LRRTM4: variants seen among roughly 807,000 people sequenced by gnomAD.
LRRTM4 encodes the protein leucine rich repeat transmembrane neuronal 4.
LRRTM4 carries 25 observed loss-of-function variants against 47.6 expected under a neutral mutation model. The observed-to-expected ratio is 0.53, with a 90% CI of 0.38 to 0.73. The LOEUF is 0.73. LRRTM4 is among the 30% of genes least tolerant of loss of function. The pLI is 0.00. For missense variants in LRRTM4, 638 were observed against 713.4 expected (o/e 0.89, Z 1.20); for synonymous variants, 311 against 269.5 (o/e 1.15, Z -1.51).
At chr2:76,824,970 C>CT (rs1671152394) in intron 3 of LRRTM4, among the ~76,000 whole-genome samples, 1 of 151,554 alleles carries the variant, frequency 6.6e-6, no homozygotes, top group Non-Finnish European at 1.5e-5. Context: ...AATTGGGGTA[C>CT]TGCTTATTTA....
chr2:77,292,860 AAAAATAAAAT>A (rs1215153301), intron 3 of LRRTM4, among the ~76,000 whole-genome samples: 13 of 149,908 alleles, frequency 8.7e-5, no homozygotes, highest in South Asian at 8.3e-4. Flanking sequence ...TAATAAAATT[AAAAATAAAAT>A]AAAATAAAAA....
intron 3 of LRRTM4, among the ~76,000 whole-genome samples, chr2:76,866,276 C>T (rs1672465285): frequency 6.6e-6 from 1 of 152,162 alleles, no homozygotes; most frequent in South Asian, 2.1e-4. Flanking sequence ...GGGGAACGAT[C>T]TCAGTTTCCA....
At chr2:76,842,796 T>C (rs1671723140) in intron 3 of LRRTM4, among the ~76,000 whole-genome samples, 1 of 152,202 alleles carries the variant, frequency 6.6e-6, no homozygotes, top group South Asian at 2.1e-4. Context: ...TACATAGGTA[T>C]ACATGTGCCA....
intron 3 of LRRTM4, among the ~76,000 whole-genome samples, chr2:77,033,084 A>G (rs1296090557): frequency 1.3e-5 from 2 of 152,078 alleles, no homozygotes; most frequent in African/African-American, 4.8e-5. Context: ...TTAAAGTTGA[A>G]AAATAGCTGA....
At chr2:76,949,455 C>A (rs1168633783) in intron 3 of LRRTM4, among the ~76,000 whole-genome samples, 2 of 151,784 alleles carry the variant, frequency 1.3e-5, no homozygotes, top group African/African-American at 4.8e-5. Context: ...TAAAGTACCC[C>A]AAGGAGAGAA....
chr2:76,771,275 C>A (rs2104113108), intron 3 of LRRTM4, among the ~76,000 whole-genome samples: 1 of 152,254 alleles, frequency 6.6e-6, no homozygotes, highest in African/African-American at 2.4e-5. Flanking sequence ...TCTTCGGAAA[C>A]AGTATCAAGT....
At chr2:77,381,050 T>C (rs1673032426) in intron 3 of LRRTM4, among the ~76,000 whole-genome samples, 1 of 152,098 alleles carries the variant, frequency 6.6e-6, no homozygotes, top group African/African-American at 2.4e-5. Flanking sequence ...TTTTTCTTTT[T>C]TGAATTTTCT....
intron 3 of LRRTM4, among the ~76,000 whole-genome samples, chr2:76,994,534 A>G (rs1677131231): frequency 6.7e-6 from 1 of 149,400 alleles, no homozygotes; most frequent in South Asian, 2.2e-4. Flanking sequence ...CAGGAGCCTC[A>G]TGACTTCTGC....
intron 3 of LRRTM4, among the ~76,000 whole-genome samples, chr2:77,181,071 A>G (rs1673334311): frequency 6.6e-6 from 1 of 152,174 alleles, no homozygotes; most frequent in Non-Finnish European, 1.5e-5. Flanking sequence ...GACTTTACCA[A>G]AGAAATATAA....
intron 3 of LRRTM4, among the ~76,000 whole-genome samples, chr2:77,260,083 C>T (rs1489218614): frequency 6.6e-6 from 1 of 151,906 alleles, no homozygotes; most frequent in Non-Finnish European, 1.5e-5. Flanking sequence ...GTTTCTTCTG[C>T]AACTAGCAAG....
At chr2:76,847,938 C>T (rs1671885515) in intron 3 of LRRTM4, among the ~76,000 whole-genome samples, 1 of 152,040 alleles carries the variant, frequency 6.6e-6, no homozygotes, top group South Asian at 2.1e-4. Flanking sequence ...CCCTATGGGG[C>T]ACTCTAGTAA....
chr2:77,113,761 C>T (rs1054502477), intron 3 of LRRTM4, among the ~76,000 whole-genome samples: 2 of 151,984 alleles, frequency 1.3e-5, no homozygotes, highest in African/African-American at 4.8e-5. Flanking sequence ...ACTGAAACGA[C>T]AGGAGGGCGA....
At chr2:76,957,840 T>C (rs1034433782) in intron 3 of LRRTM4, among the ~76,000 whole-genome samples, 5 of 151,728 alleles carry the variant, frequency 3.3e-5, no homozygotes, top group African/African-American at 1.2e-4. Context: ...CATATGTGCT[T>C]ATGATATGGT....
intron 3 of LRRTM4, among the ~76,000 whole-genome samples, chr2:77,308,560 G>A (rs1001554815): frequency 4.0e-5 from 6 of 151,704 alleles, no homozygotes; most frequent in African/African-American, 1.2e-4. Flanking sequence ...ACATATATAA[G>A]CCTGTATGTA....
At chr2:77,061,189 G>C (rs898331935) in intron 3 of LRRTM4, among the ~76,000 whole-genome samples, 3 of 151,818 alleles carry the variant, frequency 2.0e-5, no homozygotes, top group Non-Finnish European at 4.4e-5. Context: ...TGTAATGTGA[G>C]AAGCAAATTA....
intron 3 of LRRTM4, among the ~76,000 whole-genome samples, chr2:77,361,534 G>A (rs758643337): frequency 1.3e-5 from 2 of 152,008 alleles, no homozygotes; most frequent in Non-Finnish European, 2.9e-5. Flanking sequence ...TCACATCTAC[G>A]TTCTCTGCTA....
intron 3 of LRRTM4, among the ~76,000 whole-genome samples, chr2:77,409,939 C>T (rs1674354656): frequency 6.6e-6 from 1 of 152,102 alleles, no homozygotes; most frequent in Non-Finnish European, 1.5e-5. Flanking sequence ...AACAAGTAAA[C>T]CTTGACCTAA....
rs1235814536 is a variant in LRRTM4, at chr2:77,519,970, G to A, written c.5-106C>T. The A allele has an allele frequency of 4.9e-6, 7 of 1,430,924 alleles. No individual in the cohort carries two copies. Among genetic ancestry groups the A allele is most frequent in the Non-Finnish European group, 6.4e-6 (7 of 1,091,286 alleles). 88.6% of individuals were successfully genotyped at this position (1,430,924 alleles called of 1,614,324 possible). On this transcript the variant is annotated intron_variant, in intron 2 of 3. Coordinates refer to ENST00000409884, the MANE Select transcript of LRRTM4 (RefSeq NM_001134745.3). This position sits in a 1 kb window ranked among gnomAD's most constrained non-coding sequence, Gnocchi z 4.6. Reference sequence around the variant, plus strand: ...TTTCCTCTAGTGTAGGAATGGGACAGTTGATTTAAGGAAAATGCATTAACA... The same window carrying A: ...TTTCCTCTAGTGTAGGAATGGGACAATTGATTTAAGGAAAATGCATTAACA...
chr2:77,075,914 CAAAA>C (rs61718845), intron 3 of LRRTM4, among the ~76,000 whole-genome samples: 450 of 36,724 alleles, frequency 0.012, no homozygotes, highest in Non-Finnish European at 0.018. Flanking sequence ...GACTCCGTCT[CAAAA>C]AAAAAAAAAA....
Sources: allele counts gnomAD v4.1 joint callset (sites outside exome capture counted in the v4.1 genomes callset), GRCh38; gene constraint gnomAD v4.1.1; non-coding constraint Gnocchi (gnomAD v3.1); transcripts MANE v1.5; gene names NCBI Gene and HGNC (gene_info 2026-07-23, HGNC 2026-07-21).